Variants in PDZRN4 observed in about 807,000 individuals in gnomAD.
PDZRN4 encodes PDZ domain-containing RING finger protein 4.
In PDZRN4, 70 loss-of-function variants were observed where a neutral mutation model predicts 99.0. The observed-to-expected ratio is 0.71, with a 90% CI of 0.58 to 0.86. PDZRN4 has a LOEUF of 0.86. Ranked by LOEUF, PDZRN4 falls within the 40% of genes least tolerant of loss-of-function variation. The pLI is 0.00. For synonymous variants in PDZRN4, 551 were observed against 501.6 expected (o/e 1.10, Z -1.32); for missense variants, 1,474 against 1,331.2 (o/e 1.11, Z -1.67).
At chr12:41,230,454 C>A (rs1171829136) in intron 3 of PDZRN4, among the ~76,000 whole-genome samples, 1 of 152,018 alleles carries the variant, frequency 6.6e-6, no homozygotes, top group Non-Finnish European at 1.5e-5. Context: ...AAAAATCATG[C>A]CACCCAATCA....
At chr12:41,313,585 A>G (rs1388162557) in intron 3 of PDZRN4, among the ~76,000 whole-genome samples, 2 of 152,244 alleles carry the variant, frequency 1.3e-5, no homozygotes, top group East Asian at 3.9e-4. Context: ...ATCTTCACTA[A>G]TAGGCACCTC....
At position 41,515,108 on chromosome 12, in the gene PDZRN4, GTC is replaced by G. The variant is rs1938378283; in HGVS notation, c.1203+5199_1203+5200del. Reference sequence around the variant, plus strand: ...CTTCCCCCACTAGCCAGCGGGGGCTGTCTCTGTCCATTCAGAGATGGCTCTGT... The same window carrying G: ...CTTCCCCCACTAGCCAGCGGGGGCTGTCTGTCCATTCAGAGATGGCTCTGT... On this transcript the variant is annotated intron_variant, in intron 5 of 9. Coordinates refer to ENST00000402685, the MANE Select transcript of PDZRN4 (RefSeq NM_001164595.2). Among the ~76,000 whole-genome samples, 5 of 152,154 alleles carry G rather than the reference GTC, an allele frequency of 3.3e-5. 1 individual carries two copies. The South Asian group carries it at 1.0e-3, about 32-fold the overall frequency.
chr12:41,459,649 A>G (rs555383052), intron 3 of PDZRN4, among the ~76,000 whole-genome samples: 2 of 152,330 alleles, frequency 1.3e-5, no homozygotes, highest in African/African-American at 4.8e-5. Context: ...ACAGACTTAT[A>G]TACCCCAAGA....
At chr12:41,194,575 A>T (rs758131790) in intron 3 of PDZRN4, among the ~76,000 whole-genome samples, 2 of 152,216 alleles carry the variant, frequency 1.3e-5, no homozygotes, top group Non-Finnish European at 2.9e-5. Context: ...TAAACCCAGG[A>T]GGTCAAGGCT....
At chr12:41,407,006 T>C (rs1204059551) in intron 3 of PDZRN4, among the ~76,000 whole-genome samples, 2 of 152,142 alleles carry the variant, frequency 1.3e-5, no homozygotes, top group African/African-American at 4.8e-5. Flanking sequence ...CTACAACCTT[T>C]AGGTGTTCAA....
intron 3 of PDZRN4, among the ~76,000 whole-genome samples, chr12:41,366,248 C>T (rs1951999840): frequency 6.6e-6 from 1 of 152,078 alleles, no homozygotes; most frequent in Non-Finnish European, 1.5e-5. Flanking sequence ...ATAGTCACGG[C>T]CATAGATTTT....
intron 3 of PDZRN4, among the ~76,000 whole-genome samples, chr12:41,346,478 A>G (rs1306157262): frequency 6.6e-6 from 1 of 151,992 alleles, no homozygotes; most frequent in East Asian, 1.9e-4. Flanking sequence ...TAAAAATAAA[A>G]TAAAATAAAA....
intron 1 of PDZRN4, 62 bp downstream of exon 1, chr12:41,189,165 T>C: frequency 6.8e-7 from 1 of 1,466,636 alleles, no homozygotes; most frequent in South Asian, 1.2e-5. Flanking sequence ...GGAGCGGTTC[T>C]TTCTGACGCT....
intron 3 of PDZRN4, among the ~76,000 whole-genome samples, chr12:41,296,916 C>A (rs1219108521): frequency 6.6e-6 from 1 of 152,068 alleles, no homozygotes; most frequent in Non-Finnish European, 1.5e-5. Flanking sequence ...CATGATCATG[C>A]CACTGCACTC....
chr12:41,448,764 G>A lies in PDZRN4; in HGVS notation c.844-57692G>A, dbSNP rs567040791. On this transcript the variant is annotated intron_variant, in intron 3 of 9. Transcript: ENST00000402685. ...ATTTTAAGACACATATTAATTATGAGGTTCATCATCAAATTTAAGAACAGC... is the reference window on the plus strand; with the variant it reads ...ATTTTAAGACACATATTAATTATGAAGTTCATCATCAAATTTAAGAACAGC... 2.6e-5 allele frequency among the ~76,000 whole-genome samples: 4 copies of A among 152,134 alleles called. No individual in the cohort carries two copies. In the South Asian group the frequency reaches 6.2e-4, roughly 24 times the overall value.
chr12:41,196,964 A>G (rs976022967), intron 3 of PDZRN4, among the ~76,000 whole-genome samples: 2 of 152,236 alleles, frequency 1.3e-5, no homozygotes, highest in African/African-American at 4.8e-5. Flanking sequence ...AAGGGTACAA[A>G]CTAGTTCATA....
intron 3 of PDZRN4, chr12:41,411,509 C>A (rs1565576043): frequency 6.6e-6 from 1 of 152,110 alleles, no homozygotes; most frequent in Admixed American, 6.6e-5. Context: ...AGCTGAAAGA[C>A]AAAAAATTCA....
chr12:41,233,848 A>G (rs907604856), intron 3 of PDZRN4, among the ~76,000 whole-genome samples: 15 of 151,958 alleles, frequency 9.9e-5, no homozygotes, highest in Admixed American at 4.6e-4. Flanking sequence ...TAAATGATGA[A>G]TTAATGGGTG....
At chr12:41,368,106 C>T (rs1476642936) in intron 3 of PDZRN4, among the ~76,000 whole-genome samples, 1 of 152,010 alleles carries the variant, frequency 6.6e-6, no homozygotes, top group East Asian at 1.9e-4. Flanking sequence ...CCCAGTCCTA[C>T]TTTTAAAATC....
chr12:41,438,073 G>C, intron 3 of PDZRN4: 3 of 1,562,076 alleles, frequency 1.9e-6, no homozygotes. Context: ...TCTGAAAGAC[G>C]GTAAATGAAT....
rs1952949031 is a variant in PDZRN4 at position 41,468,270 on chromosome 12, C to G, written c.844-38186C>G. ...TGACCTCCCAATTTAATTCTCTATC[C>G]CTTAGATTGAGCTACTGGATCATTG... On this transcript the variant is annotated intron_variant, in intron 3 of 9. Coordinates refer to ENST00000402685, the MANE Select transcript of PDZRN4 (RefSeq NM_001164595.2). Among the ~76,000 whole-genome samples, 2 of 152,122 alleles carry G rather than the reference C, an allele frequency of 1.3e-5. 1 individual carries two copies.
In PDZRN4 at chr12:41,552,717, C is replaced by A. The variant is rs1939079700; in HGVS notation, c.1265C>A (p.Thr422Lys). The change falls in exon 6 of 10, where the codon ACA (threonine) becomes AAA (lysine). Residue 422 changes from threonine to lysine, a missense_variant. Transcript: ENST00000402685. The stretch of plus-strand genomic sequence containing the variant: ...CTGGGCCTGACAGTCTGTTACCGAA[C>A]AGATGATGAAGAAGACACCGGCATT... ...EKLGLTVCYR[T>K]DDEEDTGIYV... is the part of the protein sequence containing the mutation. 21 of 1,613,546 alleles carry A rather than the reference C, an allele frequency of 1.3e-5. No individual in the cohort carries two copies. Among genetic ancestry groups the A allele is most frequent in the Non-Finnish European group, 1.8e-5 (21 of 1,179,758 alleles).
intron 3 of PDZRN4, among the ~76,000 whole-genome samples, chr12:41,243,865 T>C (rs912342028): frequency 1.3e-5 from 2 of 152,180 alleles, no homozygotes; most frequent in Admixed American, 1.3e-4. Flanking sequence ...TTTCATAAGC[T>C]TAGCTAACAT....
intron 3 of PDZRN4, among the ~76,000 whole-genome samples, chr12:41,382,245 G>A (rs987980234): frequency 6.6e-5 from 10 of 152,130 alleles, no homozygotes; most frequent in African/African-American, 2.4e-4. Flanking sequence ...ACATTTTCAG[G>A]AATGGGCTGC....
Sources: gnomAD v4.1 joint callset for allele counts (sites outside exome capture counted in the v4.1 genomes callset) on GRCh38, gnomAD v4.1.1 for gene constraint, MANE v1.5 for transcripts, NCBI Gene and HGNC (gene_info 2026-07-23, HGNC 2026-07-21) for gene names.